The following SNX10 variants were observed in gnomAD, a reference collection of about 807,000 sequenced individuals.
SNX10 encodes sorting nexin-10.
SNX10 carries 25 observed loss-of-function variants against 28.5 expected under a neutral mutation model. The observed-to-expected ratio is 0.88, with a 90% CI of 0.64 to 1.22. SNX10 has a LOEUF of 1.22. SNX10 is among the 50% of genes most tolerant of loss of function. The pLI is 0.00. For missense variants in SNX10, 223 were observed against 242.6 expected, an observed-to-expected ratio of 0.92 and a Z score of 0.54; for synonymous variants, 62 against 81.4, an observed-to-expected ratio of 0.76 and a Z score of 1.28.
At chr7:26,355,677 A>T (rs929169113) in intron 2 of SNX10, among the ~76,000 whole-genome samples, 2 of 152,244 alleles carry the variant, frequency 1.3e-5, no homozygotes, top group East Asian at 3.8e-4. Context: ...TGTTGTCTGA[A>T]CTGGCATTTT....
Position 26,372,559 on chromosome 7 carries a change from C to CGG in SNX10, c.594_595insGG (p.Gln199GlyfsTer7), listed in dbSNP as rs1789603076. 1 of 1,591,798 alleles carries CGG rather than the reference C, an allele frequency of 6.3e-7. No individual in the cohort carries two copies. Among genetic ancestry groups the CGG allele is most frequent in the African/African-American group, 1.3e-5 (1 of 74,494 alleles). ...CATGGATGTAAAGTAAATACAGCTC[C>CGG]GCAGGAATCCTGAAAAATAATTCTA... is the stretch of plus-strand genomic sequence containing the variant. On this transcript the variant is annotated frameshift_variant, in exon 7 of 7. Transcript: ENST00000338523. LOFTEE classifies it high-confidence loss of function.
At chr7:26,331,839 C>T (rs1479487970) in intron 1 of SNX10, among the ~76,000 whole-genome samples, 3 of 152,202 alleles carry the variant, frequency 2.0e-5, no homozygotes, top group African/African-American at 7.2e-5. Context: ...TCTGGACTTT[C>T]ATGTGAATGG....
chr7:26,303,308 C>T (rs964475343), intron 1 of SNX10, among the ~76,000 whole-genome samples: 8 of 152,330 alleles, frequency 5.3e-5, no homozygotes, highest in Non-Finnish European at 1.2e-4. Context: ...CTGCTTGGAA[C>T]TGGAAAGTCA....
intron 5 of SNX10, among the ~76,000 whole-genome samples, chr7:26,369,103 G>A (rs1789405887): frequency 2.0e-5 from 3 of 152,104 alleles, no homozygotes; most frequent in Admixed American, 1.3e-4. Flanking sequence ...CTTCTGATTT[G>A]CACTATAAAT....
chr7:26,353,195 G>A (rs767161422), intron 2 of SNX10, among the ~76,000 whole-genome samples: 1 of 152,116 alleles, frequency 6.6e-6, no homozygotes, highest in Non-Finnish European at 1.5e-5. Context: ...ACCACCAGAG[G>A]ATGGTATTTA....
intron 1 of SNX10, among the ~76,000 whole-genome samples, chr7:26,328,904 T>C (rs576331876): frequency 6.6e-6 from 1 of 152,290 alleles, no homozygotes; most frequent in East Asian, 1.9e-4. Flanking sequence ...TCCCCTCCAC[T>C]GGATAAGCAT....
At chr7:26,325,210 C>T (rs544351567) in intron 1 of SNX10, among the ~76,000 whole-genome samples, 1 of 150,442 alleles carries the variant, frequency 6.6e-6, no homozygotes, top group South Asian at 2.1e-4. Flanking sequence ...GATCACTTGA[C>T]AGGCCTGTTC....
At chr7:26,314,826 T>C (rs1197332764) in intron 1 of SNX10, among the ~76,000 whole-genome samples, 1 of 152,048 alleles carries the variant, frequency 6.6e-6, no homozygotes, top group Admixed American at 6.6e-5. Flanking sequence ...GGTGAAACCC[T>C]GTCTTTACTG....
intron 1 of SNX10, among the ~76,000 whole-genome samples, chr7:26,314,009 A>G (rs940841984): frequency 2.0e-5 from 3 of 151,894 alleles, no homozygotes; most frequent in Non-Finnish European, 2.9e-5. Context: ...GGGTTTCCCC[A>G]TGTTGGCCAG....
intron 1 of SNX10, among the ~76,000 whole-genome samples, chr7:26,300,951 G>A (rs1370162919): frequency 2.0e-5 from 3 of 150,004 alleles, no homozygotes; most frequent in African/African-American, 4.9e-5. Flanking sequence ...CCTGGGAGGT[G>A]GAGGTGGCAG....
chr7:26,355,604 T>C (rs926288338), intron 2 of SNX10, among the ~76,000 whole-genome samples: 6 of 152,184 alleles, frequency 3.9e-5, no homozygotes, highest in Non-Finnish European at 8.8e-5. Flanking sequence ...TGCTTGGTGC[T>C]AGAAATACAA....
chr7:26,301,695 G>C (rs947934956), intron 1 of SNX10, among the ~76,000 whole-genome samples: 1 of 152,188 alleles, frequency 6.6e-6, no homozygotes, highest in African/African-American at 2.4e-5. Flanking sequence ...GGGTACTTCA[G>C]TTTACATTAT....
At chr7:26,320,366 C>T (rs1252294793) in intron 1 of SNX10, among the ~76,000 whole-genome samples, 1 of 152,068 alleles carries the variant, frequency 6.6e-6, no homozygotes, top group Non-Finnish European at 1.5e-5. Flanking sequence ...AGCCCCCTCA[C>T]CCATCCCACT....
At chr7:26,342,918 C>T (rs1386274883) in intron 1 of SNX10, among the ~76,000 whole-genome samples, 1 of 152,100 alleles carries the variant, frequency 6.6e-6, no homozygotes, top group Non-Finnish European at 1.5e-5. Context: ...GCAGTCCTCC[C>T]ACCTCAGCCT....
In SNX10 at chr7:26,364,350, G is replaced by A; in HGVS notation, c.112-185G>A. Reference sequence around the variant, plus strand: ...ACTGCTTATTTCCATCATCCTGGCTGTCTTCAGGGCTGTTATGTTCCTGGG... The same window carrying A: ...ACTGCTTATTTCCATCATCCTGGCTATCTTCAGGGCTGTTATGTTCCTGGG... On this transcript the variant is annotated intron_variant, in intron 3 of 6. Transcript: ENST00000338523. The surrounding 1 kb of genome is among the most constrained non-coding windows in gnomAD (Gnocchi z 4.9). 1.5e-6 allele frequency: 2 copies of A among 1,316,630 alleles called. No individual in the cohort carries two copies. The highest frequency in any genetic ancestry group is 2.3e-5 in the South Asian group (1 of 43,836). 81.6% of individuals were successfully genotyped at this position (1,316,630 alleles called of 1,614,324 possible). A position where few individuals can be genotyped will look rare whatever the true frequency, so the allele number is the denominator to read the frequency against.
At chr7:26,294,467 G>A (rs966760264) in intron 1 of SNX10, among the ~76,000 whole-genome samples, 9 of 152,092 alleles carry the variant, frequency 5.9e-5, no homozygotes, top group Admixed American at 1.3e-4. Flanking sequence ...GACATTTATC[G>A]AGTGCTTACT....
At chr7:26,348,156 G>A (rs561068488) in intron 2 of SNX10, among the ~76,000 whole-genome samples, 5 of 152,274 alleles carry the variant, frequency 3.3e-5, no homozygotes, top group South Asian at 2.1e-4. Flanking sequence ...AGAAGGTACC[G>A]TGTGCCCTTT....
At chr7:26,354,184 G>C (rs910515882) in intron 2 of SNX10, 3 of 152,164 alleles carry the variant, frequency 2.0e-5, no homozygotes, top group African/African-American at 7.2e-5. Flanking sequence ...AACTGTAATA[G>C]GTATGTATGA....
intron 1 of SNX10, among the ~76,000 whole-genome samples, chr7:26,338,732 G>A (rs952988910): frequency 9.2e-5 from 14 of 152,080 alleles, no homozygotes; most frequent in Admixed American, 8.5e-4. Flanking sequence ...ACAATTTGGC[G>A]GGTAGGAGCT....
Sources: allele counts gnomAD v4.1 joint callset (sites outside exome capture counted in the v4.1 genomes callset), GRCh38; gene constraint gnomAD v4.1.1; non-coding constraint Gnocchi (gnomAD v3.1); transcripts MANE v1.5; gene names NCBI Gene and HGNC (gene_info 2026-07-23, HGNC 2026-07-21).